AGK: variants seen among roughly 807,000 people sequenced by gnomAD.
AGK encodes acylglycerol kinase, mitochondrial.
A neutral mutation model predicts 66.4 loss-of-function variants in AGK; 52 were observed. The ratio of observed to expected loss-of-function variants is 0.78; its 90% CI spans 0.63 to 0.99. The LOEUF is 0.99. AGK is among the 50% of genes least tolerant of loss of function. AGK has a pLI of 0.00. For missense variants in AGK, 451 were observed against 506.6 expected, an observed-to-expected ratio of 0.89 and a Z score of 1.05; for synonymous variants, 182 against 181.1, an observed-to-expected ratio of 1.00 and a Z score of -0.04.
chr7:141,618,023 G>A (rs1288471600), intron 8 of AGK, among the ~76,000 whole-genome samples: 1 of 152,164 alleles, frequency 6.6e-6, no homozygotes, highest in Non-Finnish European at 1.5e-5. Context: ...AGAGAAACAT[G>A]AGAAAGTATA....
chr7:141,636,303 G>C (rs1481835671), intron 10 of AGK, among the ~76,000 whole-genome samples: 1 of 152,166 alleles, frequency 6.6e-6, no homozygotes, highest in Non-Finnish European at 1.5e-5. Context: ...TGCAGTGTTT[G>C]CATCTTAGTG....
At chr7:141,581,348 A>G (rs1049953308) in intron 2 of AGK, among the ~76,000 whole-genome samples, 8 of 151,852 alleles carry the variant, frequency 5.3e-5, no homozygotes, top group Middle Eastern at 3.2e-3. Context: ...GGAGGGAGGT[A>G]TTGAGGATAG....
intron 11 of AGK, among the ~76,000 whole-genome samples, chr7:141,638,392 T>C (rs1797219063): frequency 6.6e-6 from 1 of 152,136 alleles, no homozygotes; most frequent in Admixed American, 6.5e-5. Context: ...GCCAGTGGGT[T>C]AGGTAAGGGC....
intron 9 of AGK, among the ~76,000 whole-genome samples, chr7:141,629,635 T>G (rs1797013047): frequency 6.6e-6 from 1 of 152,222 alleles, no homozygotes; most frequent in South Asian, 2.1e-4. Flanking sequence ...TCTCTAGATC[T>G]GCTCACACAT....
chr7:141,641,416 TA>T lies in AGK; in HGVS notation c.877+21del, dbSNP rs754622899. The T allele has an allele frequency of 1.2e-6, 2 of 1,603,980 alleles. No individual in the cohort carries two copies. Among genetic ancestry groups the T allele is most frequent in the Non-Finnish European group, 1.7e-6 (2 of 1,176,628 alleles). On this transcript the variant is annotated intron_variant, in intron 12 of 15. Coordinates refer to ENST00000649286, the MANE Select transcript of AGK (RefSeq NM_018238.4). Reference sequence around the variant, plus strand: ...ACAGGATGGTGAGCAATGTGGCGACTAAAGATTGGAGGGCCCTGGTCAGTTT... The same window carrying T: ...ACAGGATGGTGAGCAATGTGGCGACTAAGATTGGAGGGCCCTGGTCAGTTT...
Position 141,652,846 on chromosome 7 carries a change from G to A in AGK, c.1191G>A (p.Val397=). 1 of 1,614,018 alleles carries A rather than the reference G, an allele frequency of 6.2e-7. No homozygotes were observed. Among genetic ancestry groups the A allele is most frequent in the Non-Finnish European group, 8.5e-7 (1 of 1,179,998 alleles). The change falls in exon 16 of 16, where the codon GTG becomes GTA. Residue 397 remains valine, a synonymous_variant. Transcript: ENST00000649286. ...AGTATGAAGCGATGCCTGTGGAGGT[G>A]AAACTGCTCCCCAGGAAGCTGCAGT... ...SEEYEAMPVE[V]KLLPRKLQFF... is the part of the protein sequence containing the mutation.
chr7:141,611,115 GA>G, intron 5 of AGK, 79 bp from the exon 6 acceptor site: 1 of 834,254 alleles, frequency 1.2e-6, no homozygotes, highest in Admixed American at 2.8e-5. Flanking sequence ...AAACTTTAAA[GA>G]AGATATCCCA....
intron 8 of AGK, among the ~76,000 whole-genome samples, chr7:141,619,110 T>A (rs181438681): frequency 6.6e-6 from 1 of 151,892 alleles, no homozygotes. Flanking sequence ...CGTACTGAGA[T>A]GTCATTCTCT....
chr7:141,635,225 TA>T (rs1797144741), intron 10 of AGK, among the ~76,000 whole-genome samples: 1 of 152,208 alleles, frequency 6.6e-6, no homozygotes, highest in Admixed American at 6.5e-5. Context: ...TTCTGATTGT[TA>T]TTATGTGCTA....
At chr7:141,558,200 T>C (rs1240505395) in intron 2 of AGK, among the ~76,000 whole-genome samples, 1 of 151,986 alleles carries the variant, frequency 6.6e-6, no homozygotes, top group African/African-American at 2.4e-5. Flanking sequence ...CTCTGTCACC[T>C]AGGCTAGAGT....
chr7:141,614,893 A>G (rs1267117435), intron 7 of AGK, among the ~76,000 whole-genome samples: 1 of 152,226 alleles, frequency 6.6e-6, no homozygotes. Flanking sequence ...CAATAGCTAG[A>G]AGATCCTTCT....
Position 141,621,819 on chromosome 7 carries a change from A to G in AGK, c.588+18A>G. The G allele has an allele frequency of 6.3e-7, 1 of 1,589,174 alleles. No homozygotes were observed. Among genetic ancestry groups the G allele is most frequent in the Non-Finnish European group, 8.6e-7 (1 of 1,159,352 alleles). ...AGATCAAGGTAAATCTTTTCATCAC[A>G]TATTGGAAAAATTGTGAAAGTAATA... On this transcript the variant is annotated intron_variant, in intron 9 of 15. Transcript: ENST00000649286.
intron 9 of AGK, among the ~76,000 whole-genome samples, chr7:141,629,022 T>G (rs573817011): frequency 6.6e-6 from 1 of 152,342 alleles, no homozygotes; most frequent in Non-Finnish European, 1.5e-5. Context: ...GTTAGAACCT[T>G]TCCCTTTTCC....
intron 9 of AGK, among the ~76,000 whole-genome samples, chr7:141,623,166 C>T (rs1481875691): frequency 6.6e-6 from 1 of 151,636 alleles, no homozygotes; most frequent in Non-Finnish European, 1.5e-5. Context: ...GATCACTTGA[C>T]GTTGGGAGTT....
intron 8 of AGK, 30 bp from the exon 9 acceptor site, chr7:141,621,702 A>C (rs1267793731): frequency 5.8e-6 from 9 of 1,555,142 alleles, no homozygotes; most frequent in Admixed American, 1.7e-5. Flanking sequence ...CCTATTTTTC[A>C]TAATATGATC....
At chr7:141,649,111 A>G (rs1196492847) in intron 13 of AGK, 152 bp from the exon 14 acceptor site, 3 of 424,780 alleles carry the variant, frequency 7.1e-6, no homozygotes, top group Non-Finnish European at 1.2e-5. Context: ...AAAAAAAAAA[A>G]GATTGAAAAT....
In AGK at chr7:141,615,471, G is replaced by C. The variant is rs1402886938; in HGVS notation, c.424G>C (p.Ala142Pro). 1 of 1,612,898 alleles carries C rather than the reference G, an allele frequency of 6.2e-7. No homozygotes were observed. Among genetic ancestry groups the C allele is most frequent in the Non-Finnish European group, 8.5e-7 (1 of 1,179,178 alleles). Residue 142 changes from alanine (A) to proline (P), a missense_variant and splice_region_variant, in exon 8 of 16, where the codon GCT becomes CCT. Coordinates refer to ENST00000649286, the MANE Select transcript of AGK (RefSeq NM_018238.4). ...ACTTTCCTCTTCTTTCCCCCCCCAG[G>C]CTACCTTCAGTAAGATTCCCATTGG... ...VTGVLRRTDE[A>P]TFSKIPIGFI...
chr7:141,593,635 C>T, intron 3 of AGK: 1 of 506,070 alleles, frequency 2.0e-6, no homozygotes, highest in Non-Finnish European at 3.5e-6. Context: ...TGATCCATAT[C>T]ATGTACACTG....
chr7:141,626,213 T>G (rs1796934885), intron 9 of AGK, among the ~76,000 whole-genome samples: 1 of 152,180 alleles, frequency 6.6e-6, no homozygotes, highest in Non-Finnish European at 1.5e-5. Flanking sequence ...CTCGCCAATT[T>G]GGGACTCTTT....
Sources: gnomAD v4.1 joint callset for allele counts (sites outside exome capture counted in the v4.1 genomes callset) on GRCh38, gnomAD v4.1.1 for gene constraint, MANE v1.5 for transcripts, NCBI Gene and HGNC (gene_info 2026-07-23, HGNC 2026-07-21) for gene names.